The following HYDIN variants were observed in gnomAD, a reference collection of about 807,000 sequenced individuals.
The protein encoded by HYDIN is HYDIN axonemal central pair apparatus protein, also known as axonemal central pair apparatus protein HYDIN.
Under a neutral mutation model 403.9 loss-of-function variants are expected in HYDIN, and 132 were observed. The ratio of observed to expected loss-of-function variants is 0.33; its 90% CI spans 0.28 to 0.38. HYDIN has a LOEUF of 0.38. Ranked by LOEUF, HYDIN falls within the 10% of genes least tolerant of loss-of-function variation. The probability of loss-of-function intolerance (pLI) is 1.00; values close to 1 mark genes in which losing one functional copy is unlikely to be tolerated. For synonymous variants in HYDIN, 1,202 were observed against 1,891.7 expected, an observed-to-expected ratio of 0.64 and a Z score of 9.46; for missense variants, 2,827 against 5,009.5, an observed-to-expected ratio of 0.56 and a Z score of 13.15.
Position 70,833,166 on chromosome 16 carries a change from C to T in HYDIN, c.13680-99G>A, listed in dbSNP as rs2143512847. On this transcript the variant is annotated intron_variant, in intron 79 of 85. Coordinates refer to ENST00000393567, the MANE Select transcript of HYDIN (RefSeq NM_001270974.2). Reference sequence around the variant, plus strand: ...AAGAGACTGCCTAGGCTGAGGTTCACCTCCCTTGAGTCTATCCTAGCACCT... The same window carrying T: ...AAGAGACTGCCTAGGCTGAGGTTCATCTCCCTTGAGTCTATCCTAGCACCT... 5.5e-6 allele frequency: 6 copies of T among 1,088,304 alleles called. 1 individual carries two copies. The highest frequency in any genetic ancestry group is 7.7e-6 in the Non-Finnish European group (6 of 784,134). 67.4% of individuals were successfully genotyped at this position (1,088,304 alleles called of 1,614,324 possible).
At chr16:70,820,410 A>C (rs1187994704) in intron 83 of HYDIN, among the ~76,000 whole-genome samples, 1 of 150,402 alleles carries the variant, frequency 6.6e-6, no homozygotes, top group African/African-American at 2.4e-5. Context: ...CGATCTCCTG[A>C]CCTTGTGATC....
In HYDIN at chr16:71,221,310, T is replaced by C. The variant is rs184248417; in HGVS notation, c.-24+9252A>G. On this transcript the variant is annotated intron_variant, in intron 1 of 85. Coordinates refer to ENST00000393567, the MANE Select transcript of HYDIN (RefSeq NM_001270974.2). Reference sequence around the variant, plus strand: ...GAATCACAGCCAACTCTCTTAGAGATGTACAGCCCAAATTCATATCACCTG... The same window carrying C: ...GAATCACAGCCAACTCTCTTAGAGACGTACAGCCCAAATTCATATCACCTG... 6.0e-5 allele frequency among the ~76,000 whole-genome samples: 9 copies of C among 150,650 alleles called. No individual in the cohort carries two copies. The East Asian group carries it at 1.7e-3, about 29-fold the overall frequency.
chr16:70,841,404 C>T (rs1405413133), intron 75 of HYDIN, among the ~76,000 whole-genome samples: 1 of 152,068 alleles, frequency 6.6e-6, no homozygotes, highest in Non-Finnish European at 1.5e-5. Flanking sequence ...AAGCCACAAA[C>T]CGGGCTTTTC....
At position 71,230,579 on chromosome 16, in the gene HYDIN, C is replaced by CA; in HGVS notation, c.-42_-41insT. 1 of 1,535,604 alleles carries CA rather than the reference C, an allele frequency of 6.5e-7. No individual in the cohort carries two copies. Among genetic ancestry groups the CA allele is most frequent in the Non-Finnish European group, 8.7e-7 (1 of 1,146,602 alleles). On this transcript the variant is annotated 5_prime_UTR_variant, in exon 1 of 86. Transcript: ENST00000393567. ...CCTCTGACCTTGGTGCACTCCGGGT[C>CA]CCACGTTTATTCTACCTCCATTCCC...
chr16:71,172,456 T>C (rs2086504940), intron 5 of HYDIN, among the ~76,000 whole-genome samples: 1 of 152,242 alleles, frequency 6.6e-6, no homozygotes, highest in Non-Finnish European at 1.5e-5. Flanking sequence ...ACACTGGCTA[T>C]CACATTTCTA....
Position 71,024,897 on chromosome 16 carries a change from G to A in HYDIN, c.3186+486C>T, listed in dbSNP as rs4393580. ...TTTCCTCGTGTGCATCACATCACAC[G>A]TCATTTCCTTGTGTGATAACAGAAC... On this transcript the variant is annotated intron_variant, in intron 21 of 85. Coordinates refer to ENST00000393567, the MANE Select transcript of HYDIN (RefSeq NM_001270974.2). Among the ~76,000 whole-genome samples the A allele has an allele frequency of 1.1e-4, 17 of 152,140 alleles. 1 individual carries two copies. Among genetic ancestry groups the A allele is most frequent in the Admixed American group, 2.6e-4 (4 of 15,270 alleles).
intron 21 of HYDIN, among the ~76,000 whole-genome samples, chr16:71,021,373 T>C (rs1474879650): frequency 6.6e-6 from 1 of 151,596 alleles, no homozygotes; most frequent in Non-Finnish European, 1.5e-5. Flanking sequence ...CGTGCCACCA[T>C]GCCCAGCTAA....
chr16:71,088,173 A>G, intron 12 of HYDIN, 128 bp downstream of exon 12: 1 of 300,062 alleles, frequency 3.3e-6, no homozygotes, highest in South Asian at 4.4e-5. Flanking sequence ...AACACACTCT[A>G]TTATGCTGAT....
intron 71 of HYDIN, 113 bp downstream of exon 71, chr16:70,859,955 T>C: frequency 1.1e-6 from 1 of 878,462 alleles, no homozygotes; most frequent in South Asian, 1.5e-5. Flanking sequence ...ATTGATGCAC[T>C]ACACCCTCAG....
At chr16:71,067,772 T>C (rs1022123061) in intron 14 of HYDIN, among the ~76,000 whole-genome samples, 1 of 152,134 alleles carries the variant, frequency 6.6e-6, no homozygotes, top group African/African-American at 2.4e-5. Flanking sequence ...AATATACTAG[T>C]AAAACACTAT....
chr16:71,089,908 GC>G (rs2083060272), intron 11 of HYDIN, among the ~76,000 whole-genome samples: 1 of 131,572 alleles, frequency 7.6e-6, no homozygotes, highest in South Asian at 3.0e-4. Flanking sequence ...CCCAAGTGCT[GC>G]CTGTTGTTGT....
chr16:71,158,617 A>C (rs2085876063), intron 6 of HYDIN, among the ~76,000 whole-genome samples: 1 of 148,900 alleles, frequency 6.7e-6, no homozygotes, highest in Non-Finnish European at 1.5e-5. Flanking sequence ...CCATTGTAAC[A>C]GTTTTTAATG....
chr16:71,085,519 ATCT>A (rs1342859145), intron 12 of HYDIN, among the ~76,000 whole-genome samples: 9 of 150,082 alleles, frequency 6.0e-5, no homozygotes, highest in Non-Finnish European at 1.2e-4. Flanking sequence ...TTCCTTTGTG[ATCT>A]TCTGCTTAGT....
chr16:71,098,224 T>C (rs1231462868), intron 10 of HYDIN, among the ~76,000 whole-genome samples: 28 of 147,000 alleles, frequency 1.9e-4, no homozygotes, highest in Middle Eastern at 3.5e-3. Context: ...TTTTTTGAGA[T>C]GGAGTCTCGC....
At chr16:71,086,966 T>C (rs568415049) in intron 12 of HYDIN, among the ~76,000 whole-genome samples, 3 of 150,778 alleles carry the variant, frequency 2.0e-5, no homozygotes, top group South Asian at 4.3e-4. Flanking sequence ...ATGTTAACCA[T>C]GGGCTGGGAT....
At chr16:70,978,516 T>C (rs1463481471) in intron 30 of HYDIN, among the ~76,000 whole-genome samples, 1 of 151,896 alleles carries the variant, frequency 6.6e-6, no homozygotes, top group African/African-American at 2.4e-5. Flanking sequence ...CTAAAAAAAC[T>C]GATCTCTCGA....
intron 23 of HYDIN, among the ~76,000 whole-genome samples, chr16:71,011,053 T>C (rs2080065084): frequency 1.3e-5 from 2 of 152,204 alleles, no homozygotes. Context: ...GGTCCATCTG[T>C]GGTTGTCTAA....
chr16:70,985,126 A>G, intron 28 of HYDIN, 59 bp downstream of exon 28: 3 of 1,498,344 alleles, frequency 2.0e-6, no homozygotes, highest in Non-Finnish European at 2.7e-6. Context: ...GTGAATACTC[A>G]CCTGCTTCGG....
intron 84 of HYDIN, among the ~76,000 whole-genome samples, chr16:70,811,987 C>T (rs117310078): frequency 1.0e-5 from 1 of 99,664 alleles, no homozygotes; most frequent in Non-Finnish European, 2.0e-5. Context: ...AATGTTTACT[C>T]GTAAGTTATA....
Sources: gnomAD v4.1 joint callset for allele counts (sites outside exome capture counted in the v4.1 genomes callset) on GRCh38, gnomAD v4.1.1 for gene constraint, MANE v1.5 for transcripts, NCBI Gene and HGNC (gene_info 2026-07-23, HGNC 2026-07-21) for gene names.